CLVS1: variants seen among roughly 807,000 people sequenced by gnomAD.
CLVS1 encodes the protein clavesin-1.
Under a neutral mutation model 33.1 loss-of-function variants are expected in CLVS1, and 10 were observed. The observed-to-expected ratio is 0.30, with a 90% CI of 0.19 to 0.51. The LOEUF (loss-of-function observed/expected upper bound fraction) is 0.51. Ranked by LOEUF, CLVS1 falls within the 20% of genes least tolerant of loss-of-function variation. The pLI is 0.97. For synonymous variants in CLVS1, 163 were observed against 166.1 expected (o/e 0.98, Z 0.14); for missense variants, 343 against 433.4 (o/e 0.79, Z 1.85).
At chr8:61,227,300 T>TC (rs1360276646) in intron 2 of CLVS1, among the ~76,000 whole-genome samples, 1 of 151,808 alleles carries the variant, frequency 6.6e-6, no homozygotes, top group Non-Finnish European at 1.5e-5. Context: ...AATGCTTTTT[T>TC]TTTTTTTTAA....
At chr8:61,374,559 G>A (rs1251137098) in intron 2 of CLVS1, among the ~76,000 whole-genome samples, 1 of 151,984 alleles carries the variant, frequency 6.6e-6, no homozygotes, top group African/African-American at 2.4e-5. Flanking sequence ...AAAAGACTTG[G>A]GTCTTTGGAT....
intron 1 of CLVS1, among the ~76,000 whole-genome samples, chr8:61,118,115 C>T (rs1452150306): frequency 1.5e-4 from 23 of 151,660 alleles, no homozygotes; most frequent in Non-Finnish European, 2.4e-4. Context: ...GTGTATGTGT[C>T]GAGGAATTTA....
chr8:61,190,042 G>C (rs1041835003), intron 2 of CLVS1, among the ~76,000 whole-genome samples: 10 of 152,126 alleles, frequency 6.6e-5, no homozygotes, highest in Non-Finnish European at 1.5e-4. Context: ...ATCTACAGAA[G>C]TCTCCACCCC....
At chr8:61,468,484 C>T (rs1404324094) in intron 5 of CLVS1, among the ~76,000 whole-genome samples, 3 of 152,080 alleles carry the variant, frequency 2.0e-5, no homozygotes, top group Admixed American at 1.3e-4. Context: ...GGTAGAACAG[C>T]TGTTAGCATC....
chr8:61,025,413 C>T, the CLVS1 span, among the ~76,000 whole-genome samples: 3 of 152,200 alleles, frequency 2.0e-5, no homozygotes, highest in Non-Finnish European at 4.4e-5. Flanking sequence ...CTCCATTTGA[C>T]TTAAGAGGAA....
intron 3 of CLVS1, among the ~76,000 whole-genome samples, chr8:61,437,190 G>A (rs1172952846): frequency 6.6e-6 from 1 of 152,194 alleles, no homozygotes; most frequent in Non-Finnish European, 1.5e-5. Flanking sequence ...GCATGGCTAA[G>A]CTCTCTGGGT....
chr8:61,033,317 G>GGGAGGAACAGGGCAAA, the CLVS1 span, among the ~76,000 whole-genome samples: 2 of 117,354 alleles, frequency 1.7e-5, no homozygotes, highest in East Asian at 2.6e-4. Context: ...TTCTGGCCTG[G>GGGAGGAACAGGGCAAA]TGTCTTTCCC....
intron 2 of CLVS1, among the ~76,000 whole-genome samples, chr8:61,305,511 C>A (rs944412399): frequency 1.7e-4 from 26 of 152,026 alleles, no homozygotes; most frequent in Non-Finnish European, 2.8e-4. Context: ...AGAATTCATT[C>A]TTTTTATGGC....
intron 2 of CLVS1, among the ~76,000 whole-genome samples, chr8:61,166,651 T>C (rs1157381642): frequency 5.9e-5 from 9 of 152,146 alleles, no homozygotes; most frequent in African/African-American, 2.2e-4. Context: ...CCTAAGCCAC[T>C]AACCACTTGT....
chr8:61,356,907 G>A (rs1483880917), intron 2 of CLVS1, among the ~76,000 whole-genome samples: 1 of 152,036 alleles, frequency 6.6e-6, no homozygotes, highest in East Asian at 1.9e-4. Context: ...GCTCTTTTTT[G>A]GTTCCATATG....
At chr8:61,164,711 A>C (rs371861801) in intron 2 of CLVS1, among the ~76,000 whole-genome samples, 2 of 152,036 alleles carry the variant, frequency 1.3e-5, no homozygotes, top group Non-Finnish European at 1.5e-5. Flanking sequence ...CTCCCCCCAC[A>C]CACGAGGTTT....
chr8:61,372,671 T>A (rs1249393755), intron 2 of CLVS1, among the ~76,000 whole-genome samples: 2 of 152,188 alleles, frequency 1.3e-5, no homozygotes, highest in South Asian at 2.1e-4. Context: ...ACCTTTAGTC[T>A]TTATGTTTCT....
At chr8:61,352,423 C>T (rs946596421) in intron 2 of CLVS1, among the ~76,000 whole-genome samples, 1 of 151,868 alleles carries the variant, frequency 6.6e-6, no homozygotes, top group East Asian at 1.9e-4. Context: ...AAATGGTGGA[C>T]TTAAGCCATA....
intron 5 of CLVS1, among the ~76,000 whole-genome samples, chr8:61,479,785 T>C (rs1272212981): frequency 1.3e-5 from 2 of 152,216 alleles, no homozygotes; most frequent in Non-Finnish European, 2.9e-5. Flanking sequence ...TTCTGTTTGT[T>C]AGTTTTCCTT....
intron 2 of CLVS1, among the ~76,000 whole-genome samples, chr8:61,337,935 G>C (rs956888746): frequency 2.0e-5 from 3 of 152,182 alleles, no homozygotes; most frequent in Non-Finnish European, 4.4e-5. Context: ...GTTTGCCTAA[G>C]ACTATACAAA....
intron 2 of CLVS1, among the ~76,000 whole-genome samples, chr8:61,154,256 AT>A (rs1313593697): frequency 1.4e-5 from 2 of 146,460 alleles, no homozygotes; most frequent in Non-Finnish European, 3.0e-5. Flanking sequence ...GGAGCATGGT[AT>A]TTTATGTTTT....
intron 2 of CLVS1, among the ~76,000 whole-genome samples, chr8:61,307,031 T>C (rs1756929269): frequency 6.6e-6 from 1 of 152,192 alleles, no homozygotes; most frequent in Non-Finnish European, 1.5e-5. Flanking sequence ...ATGTTTATTA[T>C]ATTCTCAAGA....
chr8:61,385,782 C>T (rs1355496132), intron 3 of CLVS1, among the ~76,000 whole-genome samples: 2 of 152,100 alleles, frequency 1.3e-5, no homozygotes, highest in Admixed American at 6.6e-5. Context: ...CTAGTGTCTG[C>T]GTCGTCTGTG....
At chr8:61,097,240 C>T (rs748362801) in intron 1 of CLVS1, among the ~76,000 whole-genome samples, 4 of 150,758 alleles carry the variant, frequency 2.7e-5, no homozygotes, top group Admixed American at 6.6e-5. Flanking sequence ...TGCAGTGAGC[C>T]GAGATCGCAC....
Sources: gnomAD v4.1 joint callset for allele counts (sites outside exome capture counted in the v4.1 genomes callset) on GRCh38, gnomAD v4.1.1 for gene constraint, MANE v1.5 for transcripts, NCBI Gene and HGNC (gene_info 2026-07-23, HGNC 2026-07-21) for gene names.